Variants in FGF14 observed in about 807,000 individuals in gnomAD.
FGF14 encodes fibroblast growth factor homologous factor 4.
FGF14 carries 5 observed loss-of-function variants against 25.5 expected under a neutral mutation model. The observed-to-expected ratio is 0.20, with a 90% CI of 0.10 to 0.41. FGF14 has a LOEUF of 0.41. Ranked by LOEUF, FGF14 falls within the 10% of genes least tolerant of loss-of-function variation. FGF14 has a pLI of 1.00. For synonymous variants in FGF14, 138 were observed against 118.3 expected (o/e 1.17, Z -1.08); for missense variants, 222 against 320.1 (o/e 0.69, Z 2.34).
At chr13:101,774,253 A>G (rs2038958891) in intron 3 of FGF14, among the ~76,000 whole-genome samples, 1 of 152,134 alleles carries the variant, frequency 6.6e-6, no homozygotes. Flanking sequence ...GTAGTTCCAG[A>G]GGAGCAGATG....
chr13:102,362,255 T>C (rs558679228), intron 1 of FGF14, among the ~76,000 whole-genome samples: 8 of 152,194 alleles, frequency 5.3e-5, no homozygotes, highest in African/African-American at 1.9e-4. Context: ...CAAGCTTTCA[T>C]TCCCTCGTGA....
At chr13:102,023,583 TATCA>T (rs1253454031) in intron 1 of FGF14, among the ~76,000 whole-genome samples, 2 of 152,048 alleles carry the variant, frequency 1.3e-5, no homozygotes, top group African/African-American at 4.8e-5. Context: ...ACACACTCAT[TATCA>T]ATCATTTCTT....
chr13:102,164,746 G>A (rs2047926429), intron 1 of FGF14, among the ~76,000 whole-genome samples: 4 of 152,184 alleles, frequency 2.6e-5, no homozygotes, highest in Admixed American at 2.6e-4. Context: ...CACCAGCTGT[G>A]TACAGCTAGC....
intron 1 of FGF14, among the ~76,000 whole-genome samples, chr13:102,027,229 A>G (rs2040974070): frequency 6.6e-6 from 1 of 151,628 alleles, no homozygotes; most frequent in Admixed American, 6.6e-5. Flanking sequence ...ATACACACAG[A>G]CACACACATA....
chr13:102,133,078 T>C (rs932850880), intron 1 of FGF14, among the ~76,000 whole-genome samples: 2 of 152,236 alleles, frequency 1.3e-5, no homozygotes, highest in Non-Finnish European at 2.9e-5. Flanking sequence ...AAATGGATTG[T>C]TGACCATTAT....
At chr13:101,745,270 G>C (rs940937573) in intron 3 of FGF14, among the ~76,000 whole-genome samples, 1 of 151,872 alleles carries the variant, frequency 6.6e-6, no homozygotes, top group Non-Finnish European at 1.5e-5. Context: ...TATACCCACT[G>C]CCCCATGCCT....
intron 1 of FGF14, among the ~76,000 whole-genome samples, chr13:101,945,283 A>C (rs571266453): frequency 6.6e-6 from 1 of 152,288 alleles, no homozygotes; most frequent in East Asian, 1.9e-4. Context: ...GTGCCATTGC[A>C]CTCCAGCCTG....
Position 101,721,672 on chromosome 13 carries a change from A to C in FGF14, c.*1159T>G, listed in dbSNP as rs1334006298. On this transcript the variant is annotated 3_prime_UTR_variant, in exon 5 of 5. Coordinates refer to ENST00000376143, the MANE Select transcript of FGF14 (RefSeq NM_004115.4). ...AATATTAAAGTCTAATTAATTTATA[A>C]CTAACGTTTGCATTGCTGCTGCAGG... 5.3e-5 allele frequency: 8 copies of C among 152,114 alleles called. No homozygotes were observed. Among genetic ancestry groups the C allele is most frequent in the Admixed American group, 3.3e-4 (5 of 15,258 alleles). 9.4% of individuals were successfully genotyped at this position (152,114 alleles called of 1,614,324 possible).
intron 1 of FGF14, among the ~76,000 whole-genome samples, chr13:101,989,860 G>A (rs552136765): frequency 9.2e-5 from 14 of 152,054 alleles, no homozygotes; most frequent in Middle Eastern, 3.4e-3. Flanking sequence ...TAATCCTTTC[G>A]AATGTCATCC....
At chr13:102,122,517 C>T (rs2045772398) in intron 1 of FGF14, among the ~76,000 whole-genome samples, 1 of 152,154 alleles carries the variant, frequency 6.6e-6, no homozygotes, top group African/African-American at 2.4e-5. Flanking sequence ...CCCAAAATAA[C>T]CAGTCTTCAT....
intron 1 of FGF14, among the ~76,000 whole-genome samples, chr13:101,902,990 G>C (rs1395002714): frequency 6.6e-6 from 1 of 152,132 alleles, no homozygotes; most frequent in Admixed American, 6.5e-5. Flanking sequence ...AGTATCCAGT[G>C]GTCTCAGTTT....
At chr13:102,195,282 T>C (rs1338589172) in intron 1 of FGF14, among the ~76,000 whole-genome samples, 1 of 152,084 alleles carries the variant, frequency 6.6e-6, no homozygotes, top group Non-Finnish European at 1.5e-5. Flanking sequence ...ACTATACAAA[T>C]CAACAACTAT....
intron 1 of FGF14, among the ~76,000 whole-genome samples, chr13:101,885,472 GC>G (rs1406637032): frequency 6.6e-6 from 1 of 152,100 alleles, no homozygotes; most frequent in Non-Finnish European, 1.5e-5. Flanking sequence ...ATGGTTTGTA[GC>G]TTTGGCATCA....
intron 1 of FGF14, among the ~76,000 whole-genome samples, chr13:102,237,746 G>C (rs2051398058): frequency 6.6e-6 from 1 of 152,062 alleles, no homozygotes; most frequent in Non-Finnish European, 1.5e-5. Context: ...ACTGACCCCT[G>C]AACACTCAAT....
At chr13:101,791,227 T>C (rs926705254) in intron 3 of FGF14, among the ~76,000 whole-genome samples, 1 of 152,166 alleles carries the variant, frequency 6.6e-6, no homozygotes, top group Non-Finnish European at 1.5e-5. Flanking sequence ...AGGGTTGTTG[T>C]GAGGCTCAAA....
intron 3 of FGF14, among the ~76,000 whole-genome samples, chr13:101,736,932 C>G (rs1432162408): frequency 6.7e-6 from 1 of 149,750 alleles, no homozygotes; most frequent in African/African-American, 2.4e-5. Context: ...GGCTTAACAA[C>G]AGCAATGGCA....
At chr13:101,748,615 C>G (rs1044709011) in intron 3 of FGF14, among the ~76,000 whole-genome samples, 7 of 151,430 alleles carry the variant, frequency 4.6e-5, no homozygotes, top group African/African-American at 1.7e-4. Context: ...TACTAGTAGC[C>G]CCTAAATTAT....
chr13:102,249,860 C>T (rs905921122), intron 1 of FGF14, among the ~76,000 whole-genome samples: 1 of 152,086 alleles, frequency 6.6e-6, no homozygotes, highest in Non-Finnish European at 1.5e-5. Context: ...CATTTTCTTC[C>T]TCCTCCTCAT....
chr13:102,058,773 C>G (rs1450237380), intron 1 of FGF14, among the ~76,000 whole-genome samples: 2 of 152,108 alleles, frequency 1.3e-5, no homozygotes, highest in African/African-American at 4.8e-5. Flanking sequence ...ACCAGTCTTA[C>G]TCAAATTTGC....
Sources: gnomAD v4.1 joint callset for allele counts (sites outside exome capture counted in the v4.1 genomes callset) on GRCh38, gnomAD v4.1.1 for gene constraint, MANE v1.5 for transcripts, NCBI Gene and HGNC (gene_info 2026-07-23, HGNC 2026-07-21) for gene names.